Variants in AFF1 observed in about 807,000 individuals in gnomAD.
AFF1 encodes ALF transcription elongation factor 1, also known as AF4/FMR2 family member 1.
In AFF1, 48 loss-of-function variants were observed where a neutral mutation model predicts 121.7. The observed-to-expected ratio is 0.39, with a 90% CI of 0.31 to 0.50. The LOEUF is 0.50. Among genes scored for constraint, AFF1 ranks in the 20% least tolerant of loss-of-function variants. The pLI is 0.76. For missense variants in AFF1, 1,523 were observed against 1,511.7 expected (o/e 1.01, Z -0.12); for synonymous variants, 613 against 563.0 (o/e 1.09, Z -1.26).
At chr4:87,089,284 T>C (rs1357346847) in intron 5 of AFF1, among the ~76,000 whole-genome samples, 1 of 152,228 alleles carries the variant, frequency 6.6e-6, no homozygotes, top group African/African-American at 2.4e-5. Flanking sequence ...TCAACAAGTA[T>C]TTTTAGAAAA....
At chr4:86,997,598 TAA>T (rs1264790401) in intron 2 of AFF1, among the ~76,000 whole-genome samples, 2 of 149,726 alleles carry the variant, frequency 1.3e-5, no homozygotes, top group Non-Finnish European at 3.0e-5. Flanking sequence ...CCATCTCTAC[TAA>T]AAATACAAAA....
intron 4 of AFF1, among the ~76,000 whole-genome samples, chr4:87,069,632 C>T (rs1721799101): frequency 6.6e-6 from 1 of 150,732 alleles, no homozygotes; most frequent in South Asian, 2.1e-4. Flanking sequence ...CACTTCCTCC[C>T]TTCCTTTTTT....
intron 2 of AFF1, among the ~76,000 whole-genome samples, chr4:87,001,931 C>G (rs1264695855): frequency 6.6e-6 from 1 of 152,106 alleles, no homozygotes; most frequent in East Asian, 1.9e-4. Flanking sequence ...AAACATCATT[C>G]CATTGAAATG....
At chr4:87,088,280 G>A (rs1454084103) in intron 5 of AFF1, among the ~76,000 whole-genome samples, 7 of 152,172 alleles carry the variant, frequency 4.6e-5, no homozygotes, top group African/African-American at 1.4e-4. Flanking sequence ...ACAAGGGCAC[G>A]AGTTCACTTT....
At chr4:87,017,070 TA>T (rs1727369910) in intron 2 of AFF1, among the ~76,000 whole-genome samples, 1 of 150,374 alleles carries the variant, frequency 6.7e-6, no homozygotes, top group East Asian at 1.9e-4. Context: ...GACATATATA[TA>T]TGTGTGTGTG....
At chr4:86,998,244 T>A (rs1725397400) in intron 2 of AFF1, among the ~76,000 whole-genome samples, 1 of 152,204 alleles carries the variant, frequency 6.6e-6, no homozygotes, top group East Asian at 1.9e-4. Flanking sequence ...ATTGGCCTGC[T>A]GTGGAAGGGG....
At chr4:87,093,710 T>C (rs1040328119) in intron 7 of AFF1, among the ~76,000 whole-genome samples, 1 of 152,158 alleles carries the variant, frequency 6.6e-6, no homozygotes, top group Non-Finnish European at 1.5e-5. Context: ...TTTGAAAATA[T>C]CATATAAGAG....
At chr4:87,127,175 C>G (rs544888047) in intron 15 of AFF1, 58 bp downstream of exon 15, 11 of 1,219,306 alleles carry the variant, frequency 9.0e-6, no homozygotes, top group African/African-American at 1.6e-5. Flanking sequence ...TTCCCCCCCC[C>G]ACCAAGATAG....
intron 2 of AFF1, among the ~76,000 whole-genome samples, chr4:86,980,684 T>C (rs1723664871): frequency 6.6e-6 from 1 of 152,192 alleles, no homozygotes. Flanking sequence ...TGTGCATTCA[T>C]TTGCTTATAT....
intron 1 of AFF1, among the ~76,000 whole-genome samples, chr4:86,943,893 G>A (rs1221749936): frequency 1.3e-5 from 2 of 151,870 alleles, no homozygotes; most frequent in South Asian, 2.1e-4. Context: ...ACCCTGAAGC[G>A]GAGGTTGTGG....
rs139425059 is a variant in AFF1 at position 87,046,889 on chromosome 4, C to T, written c.354C>T (p.Val118=). ...CATCCAGCTCCTTCCACACTAGTGT[C>T]CACCACCAGTCCATTCACACTCCTG... ...SIPSSSFHTS[V]HHQSIHTPAS... The change falls in exon 4 of 21, where the codon GTC becomes GTT. Residue 118 remains valine, a synonymous_variant. Coordinates refer to ENST00000395146, the MANE Select transcript of AFF1 (RefSeq NM_001166693.3). The T allele has an allele frequency of 8.7e-4, 1,399 of 1,614,202 alleles. 2 individuals are homozygous for T. Among genetic ancestry groups the T allele is most frequent in the East Asian group, 7.2e-3 (322 of 44,876 alleles).
chr4:86,987,724 G>A lies in AFF1; in HGVS notation c.38+39153G>A, dbSNP rs552602283. 2.6e-5 allele frequency among the ~76,000 whole-genome samples: 4 copies of A among 152,216 alleles called. No individual in the cohort carries two copies. In the East Asian group the frequency reaches 5.8e-4, roughly 22 times the overall value. ...ATCCCAGCACTTGGGAGGCCGAGGC[G>A]GGTGGATTACTTGAGGCCAGGAGTT... On this transcript the variant is annotated intron_variant, in intron 2 of 20. Coordinates refer to ENST00000395146, the MANE Select transcript of AFF1 (RefSeq NM_001166693.3).
At chr4:87,103,072 T>C (rs1233649389) in intron 8 of AFF1, among the ~76,000 whole-genome samples, 2 of 152,250 alleles carry the variant, frequency 1.3e-5, no homozygotes, top group Non-Finnish European at 2.9e-5. Context: ...AAAAAAATTC[T>C]AATGGCATTC....
intron 2 of AFF1, among the ~76,000 whole-genome samples, chr4:86,971,460 T>C (rs112405414): frequency 3.9e-5 from 6 of 152,388 alleles, no homozygotes; most frequent in African/African-American, 1.4e-4. Flanking sequence ...AATGCACCCA[T>C]ACATTTGGTC....
intron 2 of AFF1, among the ~76,000 whole-genome samples, chr4:86,996,192 C>T (rs1454285349): frequency 3.3e-5 from 5 of 152,168 alleles, no homozygotes; most frequent in Admixed American, 3.3e-4. Context: ...TGAGGAGCCC[C>T]TCTGCCTGGC....
chr4:87,078,827 A>AT lies in AFF1; in HGVS notation c.1060-5283dup, dbSNP rs914405645. On this transcript the variant is annotated intron_variant, in intron 4 of 20. Coordinates refer to ENST00000395146, the MANE Select transcript of AFF1 (RefSeq NM_001166693.3). Reference sequence around the variant, plus strand: ...AACTTTGGATAGATAACCTATTGGGATTTTTTTTTTAAGCTGTCATGCTGT... The same window carrying AT: ...AACTTTGGATAGATAACCTATTGGGATTTTTTTTTTTAAGCTGTCATGCTGT... Among the ~76,000 whole-genome samples the AT allele has an allele frequency of 1.5e-4, 23 of 150,558 alleles. No individual in the cohort carries two copies. The East Asian group carries it at 2.7e-3, about 18-fold the overall frequency.
At chr4:87,104,548 A>G (rs936871546) in intron 8 of AFF1, among the ~76,000 whole-genome samples, 1 of 152,230 alleles carries the variant, frequency 6.6e-6, no homozygotes, top group Non-Finnish European at 1.5e-5. Flanking sequence ...TTACCACCTC[A>G]TGTAGGCGGT....
At chr4:87,130,782 C>CT (rs1197373328) in intron 16 of AFF1, among the ~76,000 whole-genome samples, 1 of 152,202 alleles carries the variant, frequency 6.6e-6, no homozygotes, top group Non-Finnish European at 1.5e-5. Context: ...TAATTTGACA[C>CT]TAATAACAAG....
At position 87,126,195 on chromosome 4, in the gene AFF1, G is replaced by A. The variant is rs780775759; in HGVS notation, c.2670G>A (p.Lys890=). ...AGAAGCCAGCCAAGCCTGCACTTAA[G>A]AGGTCAAGGCGGGAAGCAGACACCT... ...SSQKPAKPAL[K]RSRREADTCG... The change falls in exon 14 of 21, where the codon AAG becomes AAA. Residue 890 remains lysine (K), a synonymous_variant. Coordinates refer to ENST00000395146, the MANE Select transcript of AFF1 (RefSeq NM_001166693.3). The A allele has an allele frequency of 4.3e-6, 7 of 1,614,142 alleles. No homozygotes were observed. The highest frequency in any genetic ancestry group is 5.9e-6 in the Non-Finnish European group (7 of 1,180,024).
Sources: allele counts gnomAD v4.1 joint callset (sites outside exome capture counted in the v4.1 genomes callset), GRCh38; gene constraint gnomAD v4.1.1; transcripts MANE v1.5; gene names NCBI Gene and HGNC (gene_info 2026-07-23, HGNC 2026-07-21).